The following ST18 variants were observed in gnomAD, a reference collection of about 807,000 sequenced individuals.
The protein encoded by ST18 is ST18 C2H2C-type zinc finger transcription factor, also known as suppression of tumorigenicity 18 protein.
ST18 carries 50 observed loss-of-function variants against 110.0 expected under a neutral mutation model. That is an observed-to-expected ratio of 0.45 (90% CI 0.36 to 0.58). The LOEUF (loss-of-function observed/expected upper bound fraction) is 0.58. Among genes scored for constraint, ST18 ranks in the 20% least tolerant of loss-of-function variants. ST18 has a pLI of 0.00. For missense variants in ST18, 1,306 were observed against 1,280.1 expected, an observed-to-expected ratio of 1.02 and a Z score of -0.31; for synonymous variants, 461 against 452.4, an observed-to-expected ratio of 1.02 and a Z score of -0.24.
At chr8:52,122,074 G>T (rs1239987291) in intron 23 of ST18, among the ~76,000 whole-genome samples, 1 of 152,132 alleles carries the variant, frequency 6.6e-6, no homozygotes, top group Non-Finnish European at 1.5e-5. Context: ...TCAATCTCTT[G>T]ACCTGCTGAT....
chr8:52,148,796 A>C (rs1481243495), intron 16 of ST18, among the ~76,000 whole-genome samples: 1 of 152,158 alleles, frequency 6.6e-6, no homozygotes, highest in African/African-American at 2.4e-5. Context: ...ACGTTGACTT[A>C]TACTTTGAGA....
chr8:52,123,367 G>A (rs984350888), intron 23 of ST18, among the ~76,000 whole-genome samples: 8 of 152,152 alleles, frequency 5.3e-5, no homozygotes, highest in Admixed American at 2.0e-4. Context: ...AATGTCTGAA[G>A]GTGTGTTGGT....
intron 2 of ST18, among the ~76,000 whole-genome samples, chr8:52,327,744 A>T (rs1391158812): frequency 6.6e-6 from 1 of 152,182 alleles, no homozygotes; most frequent in African/African-American, 2.4e-5. Flanking sequence ...TCCAGAATCC[A>T]ATCAAAGCTA....
chr8:52,343,821 T>C (rs1280497261), intron 2 of ST18, among the ~76,000 whole-genome samples: 10 of 152,198 alleles, frequency 6.6e-5, no homozygotes, highest in Non-Finnish European at 1.0e-4. Flanking sequence ...TTTAAAGGTA[T>C]TTTAAGTACT....
rs762115404 is a variant in ST18 at position 52,136,601 on chromosome 8, A to G, written c.2289T>C (p.Ser763=). 2.5e-6 allele frequency: 4 copies of G among 1,611,228 alleles called. No homozygotes were observed. The highest frequency in any genetic ancestry group is 3.4e-5 in the Admixed American group (2 of 59,682). ...KTLKSLMAAN[S]QELKCPTPGC... ...CTTCCCGCACTTACTTAAGCTCCTG[A>G]GAGTTGGCAGCCATGAGGGATTTTA... is the stretch of plus-strand genomic sequence containing the variant. The change falls in exon 19 of 26, where the codon TCT becomes TCC. Residue 763 remains serine (S), a synonymous_variant. Coordinates refer to ENST00000689386, the MANE Select transcript of ST18 (RefSeq NM_001352837.2).
chr8:52,208,649 A>AC (rs2135831962), intron 8 of ST18, among the ~76,000 whole-genome samples: 1 of 152,214 alleles, frequency 6.6e-6, no homozygotes, highest in Admixed American at 6.5e-5. Flanking sequence ...ACACGGTGAA[A>AC]CCCCGTCTCT....
chr8:52,365,910 A>G (rs976826346), intron 2 of ST18, among the ~76,000 whole-genome samples: 3 of 149,196 alleles, frequency 2.0e-5, no homozygotes, highest in South Asian at 2.1e-4. Context: ...TCTGCTGCCC[A>G]GGCTGGTCTC....
intron 8 of ST18, among the ~76,000 whole-genome samples, chr8:52,194,145 ATT>A (rs1184435981): frequency 6.6e-6 from 1 of 152,158 alleles, no homozygotes; most frequent in African/African-American, 2.4e-5. Context: ...CTACCACAGA[ATT>A]TTTTTCATAA....
chr8:52,216,034 A>G (rs1405856064), intron 6 of ST18, among the ~76,000 whole-genome samples: 1 of 152,216 alleles, frequency 6.6e-6, no homozygotes, highest in Non-Finnish European at 1.5e-5. Context: ...ATCTTGCCAC[A>G]TGGATGGTAT....
At chr8:52,148,990 A>C (rs923928049) in intron 16 of ST18, among the ~76,000 whole-genome samples, 6 of 152,226 alleles carry the variant, frequency 3.9e-5, no homozygotes, top group African/African-American at 1.4e-4. Flanking sequence ...TTACTGTAAT[A>C]ATTAAGGCCA....
chr8:52,289,206 G>A (rs2095516445), intron 2 of ST18, among the ~76,000 whole-genome samples: 1 of 152,200 alleles, frequency 6.6e-6, no homozygotes, highest in Non-Finnish European at 1.5e-5. Context: ...CTTAGGCCAG[G>A]CACAGTGGGT....
chr8:52,338,725 CT>C (rs554492130), intron 2 of ST18, among the ~76,000 whole-genome samples: 1 of 151,746 alleles, frequency 6.6e-6, no homozygotes, highest in Non-Finnish European at 1.5e-5. Context: ...CACCTGGCCT[CT>C]TTTTTTTCTG....
intron 2 of ST18, chr8:52,393,565 T>C (rs1467838804): frequency 6.6e-6 from 1 of 151,998 alleles, no homozygotes; most frequent in Non-Finnish European, 1.5e-5. Context: ...GCAGTAATTT[T>C]GCATATTTAC....
intron 9 of ST18, among the ~76,000 whole-genome samples, chr8:52,177,975 A>T (rs2067562494): frequency 6.6e-6 from 1 of 152,210 alleles, no homozygotes; most frequent in South Asian, 2.1e-4. Context: ...TATTATTATT[A>T]GTGGTTCTAA....
chr8:52,176,266 G>A (rs1239764398), intron 9 of ST18, among the ~76,000 whole-genome samples: 3 of 152,140 alleles, frequency 2.0e-5, no homozygotes, highest in South Asian at 2.1e-4. Context: ...CTCGTGATCC[G>A]CCCGCCTCGG....
intron 2 of ST18, among the ~76,000 whole-genome samples, chr8:52,274,391 T>C (rs1002167008): frequency 9.2e-5 from 14 of 152,270 alleles, no homozygotes; most frequent in African/African-American, 3.1e-4. Context: ...TAGAAATATA[T>C]GTATATATGT....
intron 2 of ST18, among the ~76,000 whole-genome samples, chr8:52,373,825 T>C (rs1831147331): frequency 6.6e-6 from 1 of 152,176 alleles, no homozygotes; most frequent in Admixed American, 6.5e-5. Flanking sequence ...GCTCTGTCTC[T>C]GCACACATGA....
intron 25 of ST18, among the ~76,000 whole-genome samples, chr8:52,115,669 C>T (rs1275899781): frequency 6.6e-6 from 1 of 152,160 alleles, no homozygotes; most frequent in East Asian, 1.9e-4. Context: ...GTTCACACAA[C>T]ATCAAAATTG....
intron 20 of ST18, 44 bp from the exon 21 acceptor site, chr8:52,133,181 C>A (rs1340807184): frequency 6.2e-7 from 1 of 1,614,026 alleles, no homozygotes. Flanking sequence ...ATTATGTGAT[C>A]TCTCTGACTG....
Sources: gnomAD v4.1 joint callset for allele counts (sites outside exome capture counted in the v4.1 genomes callset) on GRCh38, gnomAD v4.1.1 for gene constraint, MANE v1.5 for transcripts, NCBI Gene and HGNC (gene_info 2026-07-23, HGNC 2026-07-21) for gene names.